Variants in ALDH1A3 observed in about 807,000 individuals in gnomAD.
The protein encoded by ALDH1A3 is retinaldehyde dehydrogenase 3.
In ALDH1A3, 28 loss-of-function variants were observed where a neutral mutation model predicts 57.5. The observed-to-expected ratio is 0.49, with a 90% CI of 0.36 to 0.67. The LOEUF is 0.67. Among genes scored for constraint, ALDH1A3 ranks in the 30% least tolerant of loss-of-function variants. The pLI, the probability that ALDH1A3 is intolerant of heterozygous loss-of-function variation, is 0.00. For synonymous variants in ALDH1A3, 281 were observed against 264.8 expected (o/e 1.06, Z -0.59); for missense variants, 507 against 669.4 (o/e 0.76, Z 2.68).
rs2041612316 is a variant in ALDH1A3 at position 100,887,840 on chromosome 15, G to C, written c.345+128G>C. ...TGGTCGTGGGTCTGTTCCATCCTCT[G>C]AGACACGGCTCTCTGGCAATACTTG... On this transcript the variant is annotated intron_variant, in intron 3 of 12. Coordinates refer to ENST00000329841, the MANE Select transcript of ALDH1A3 (RefSeq NM_000693.4). This position sits in a 1 kb window ranked among gnomAD's most constrained non-coding sequence, Gnocchi z 4.6. 7 of 1,152,148 alleles carry C rather than the reference G, an allele frequency of 6.1e-6. No homozygotes were observed. The Admixed American group carries it at 2.0e-4, about 33-fold the overall frequency. 71.4% of individuals were successfully genotyped at this position (1,152,148 alleles called of 1,614,324 possible). A position where few individuals can be genotyped will look rare whatever the true frequency, so the allele number is the denominator to read the frequency against.
chr15:100,883,447 C>T (rs1356978997), intron 1 of ALDH1A3, among the ~76,000 whole-genome samples: 4 of 152,180 alleles, frequency 2.6e-5, no homozygotes, highest in Non-Finnish European at 5.9e-5. Context: ...TCCCTGGGGG[C>T]CTGGCCTCAC....
In ALDH1A3 at chr15:100,915,153, CCT is replaced by C. The variant is rs1000034230; in HGVS notation, c.*381_*382del. The C allele has an allele frequency of 2.9e-5, 6 of 209,956 alleles. No individual in the cohort carries two copies. The highest frequency in any genetic ancestry group is 9.1e-5 in the South Asian group (1 of 11,000). 13.0% of individuals were successfully genotyped at this position (209,956 alleles called of 1,614,324 possible). On this transcript the variant is annotated 3_prime_UTR_variant, in exon 13 of 13. Transcript: ENST00000329841. ...CTCCAGTAAGAATGTGGGAAAACCC[CCT>C]GTGTGTTCTGCAAGCAGGGCTCTTG...
chr15:100,911,140 CT>C (rs1227895999), intron 12 of ALDH1A3, among the ~76,000 whole-genome samples: 1 of 152,258 alleles, frequency 6.6e-6, no homozygotes, highest in Non-Finnish European at 1.5e-5. Context: ...CACAAGGAGC[CT>C]AGAAACTGCC....
chr15:100,880,012 G>T lies in ALDH1A3; in HGVS notation c.99+6G>T, dbSNP rs1488067557. ...TGGAGGTCAAGTTCACCAAGGTGAG[G>T]CGGGCGCCCCTCCCACCCGACGGCC... On this transcript the variant is annotated splice_donor_region_variant and intron_variant, in intron 1 of 12. Transcript: ENST00000329841. The T allele has an allele frequency of 1.4e-6, 2 of 1,455,396 alleles. No individual in the cohort carries two copies. The highest frequency in any genetic ancestry group is 1.8e-6 in the Non-Finnish European group (2 of 1,099,268). The allele number at this position is 1,455,396 out of a possible 1,614,324, so 90.2% of individuals were successfully genotyped here.
chr15:100,883,542 G>T (rs1205472827), intron 1 of ALDH1A3, among the ~76,000 whole-genome samples: 1 of 152,282 alleles, frequency 6.6e-6, no homozygotes, highest in African/African-American at 2.4e-5. Flanking sequence ...AAACTGGGGG[G>T]CAGCTGGTCT....
At position 100,887,632 on chromosome 15, in the gene ALDH1A3, C is replaced by T. The variant is rs397514652; in HGVS notation, c.265C>T (p.Arg89Cys). The change falls in exon 3 of 13, where the codon CGC becomes TGC. Residue 89 changes from arginine (R) to cysteine (C), a missense_variant. Around this residue, in one of 2 missense-constraint regions of ALDH1A3, gnomAD observed 432 missense variants for 608.4 expected, o/e 0.71. Transcript: ENST00000329841. The surrounding 1 kb of genome is among the most constrained non-coding windows in gnomAD (Gnocchi z 4.6). Reference sequence around the variant, plus strand: ...TGCCTTCCAGAGGGGCTCGCCATGGCGCCGGCTGGATGCCCTGAGTCGTGG... The same window carrying T: ...TGCCTTCCAGAGGGGCTCGCCATGGTGCCGGCTGGATGCCCTGAGTCGTGG... The part of the protein sequence containing the change: ...QVAFQRGSPW[R>C]RLDALSRGRL... The T allele has an allele frequency of 2.5e-6, 4 of 1,611,890 alleles. No homozygotes were observed. The highest frequency in any genetic ancestry group is 2.2e-5 in the East Asian group (1 of 44,720).
At chr15:100,885,930 A>G (rs28668881) in intron 2 of ALDH1A3, among the ~76,000 whole-genome samples, 2 of 152,196 alleles carry the variant, frequency 1.3e-5, no homozygotes, top group African/African-American at 2.4e-5. Flanking sequence ...AGGTCTATAT[A>G]GTAATACAGA....
chr15:100,885,850 A>G lies in ALDH1A3; in HGVS notation c.204+479A>G, dbSNP rs112341926. On this transcript the variant is annotated intron_variant, in intron 2 of 12. Transcript: ENST00000329841. ...GGATAGTTAACAATGTAACCACCAG[A>G]TTTCTTTTCTCCTAGAAATTTACAT... 9.8e-3 allele frequency among the ~76,000 whole-genome samples: 1,499 copies of G among 152,294 alleles called. 9 individuals carry two copies. The highest frequency in any genetic ancestry group is 0.015 in the Non-Finnish European group (1,049 of 68,018).
chr15:100,915,012 T>A lies in ALDH1A3; in HGVS notation c.*239T>A. On this transcript the variant is annotated 3_prime_UTR_variant, in exon 13 of 13. Coordinates refer to ENST00000329841, the MANE Select transcript of ALDH1A3 (RefSeq NM_000693.4). ...TGCCTGGGGAGGGAGCTGTTGGCCATTTCTGTGTTTCCCTTTAAACCAGAT... is the reference window on the plus strand; with the variant it reads ...TGCCTGGGGAGGGAGCTGTTGGCCAATTCTGTGTTTCCCTTTAAACCAGAT... 2 of 526,776 alleles carry A rather than the reference T, an allele frequency of 3.8e-6. No individual in the cohort carries two copies. The highest frequency in any genetic ancestry group is 6.9e-6 in the Non-Finnish European group (2 of 291,540). The allele number at this position is 526,776 out of a possible 1,614,324, so 32.6% of individuals were successfully genotyped here. A position where few individuals can be genotyped will look rare whatever the true frequency, so the allele number is the denominator to read the frequency against.
Position 100,894,150 on chromosome 15 carries a change from C to T in ALDH1A3, c.666+68C>T, listed in dbSNP as rs537814432. On this transcript the variant is annotated intron_variant, in intron 6 of 12. Transcript: ENST00000329841. This position sits in a 1 kb window ranked among gnomAD's most constrained non-coding sequence, Gnocchi z 4.5. The stretch of plus-strand genomic sequence containing the variant: ...TTCCCACTCCTAGGAACCAGGCCAC[C>T]GTCACGAGATGGGACAGTGGCAGAC... 46 of 1,572,994 alleles carry T rather than the reference C, an allele frequency of 2.9e-5. No homozygotes were observed. Among genetic ancestry groups the T allele is most frequent in the African/African-American group, 1.6e-4 (12 of 74,260 alleles).
rs2041928171 is a variant in ALDH1A3 at position 100,916,147 on chromosome 15, T to A, written c.*1374T>A. 6.6e-6 allele frequency: 1 copy of A among 152,236 alleles called. No individual in the cohort carries two copies. Among genetic ancestry groups the A allele is most frequent in the Non-Finnish European group, 1.5e-5 (1 of 68,028 alleles). The allele number at this position is 152,236 out of a possible 1,614,324, so 9.4% of individuals were successfully genotyped here. A position where few individuals can be genotyped will look rare whatever the true frequency, so the allele number is the denominator to read the frequency against. ...CAGTGTGTGTATAACGAAAACCATG[T>A]ATAAAATGGGCCTATCACCCTTGTC... On this transcript the variant is annotated 3_prime_UTR_variant, in exon 13 of 13. Transcript: ENST00000329841.
chr15:100,907,059 G>A, intron 10 of ALDH1A3, 62 bp from the exon 11 acceptor site: 1 of 1,561,500 alleles, frequency 6.4e-7, no homozygotes, highest in Non-Finnish European at 8.8e-7. Context: ...GGAAATGCTT[G>A]TTCACAGCAT....
At chr15:100,898,038 T>C in intron 7 of ALDH1A3, 45 bp from the exon 8 acceptor site, 1 of 1,582,482 alleles carries the variant, frequency 6.3e-7, no homozygotes, top group Non-Finnish European at 8.7e-7. Context: ...TGGGCCAAGT[T>C]CAGCAACATC....
chr15:100,880,295 G>A (rs1309974922), intron 1 of ALDH1A3: 3 of 379,906 alleles, frequency 7.9e-6, no homozygotes, highest in African/African-American at 2.1e-5. Flanking sequence ...GCCCCGACGT[G>A]TCCCTGCGCT....
chr15:100,903,993 A>G (rs1056642162), intron 9 of ALDH1A3, among the ~76,000 whole-genome samples: 1 of 152,146 alleles, frequency 6.6e-6, no homozygotes, highest in African/African-American at 2.4e-5. Flanking sequence ...TTTTTTTTAC[A>G]TACTCAAAAT....
chr15:100,901,169 C>T (rs2041764672), intron 9 of ALDH1A3, among the ~76,000 whole-genome samples: 1 of 152,212 alleles, frequency 6.6e-6, no homozygotes, highest in African/African-American at 2.4e-5. Flanking sequence ...AGAAATCAAA[C>T]AATCCCAGAC....
intron 9 of ALDH1A3, among the ~76,000 whole-genome samples, chr15:100,901,699 T>C (rs77566433): frequency 0.016 from 2,485 of 152,330 alleles, 70 homozygotes; most frequent in African/African-American, 0.044. Flanking sequence ...TATTCAATTA[T>C]GGGCAGGTTT....
rs550880879 is a variant in ALDH1A3 at position 100,900,669 on chromosome 15, C to G, written c.978C>G (p.Val326=). ...AASRVFVEEQ[V]YSEFVRRSVE... is the part of the protein sequence containing the mutation. ...CCAGGGTGTTCGTGGAGGAGCAGGT[C>G]TACTCTGAGTTTGTCAGGCGGAGCG... Residue 326 remains valine (V), a synonymous_variant, in exon 9 of 13, where the codon GTC becomes GTG. Transcript: ENST00000329841. 2.0e-5 allele frequency: 33 copies of G among 1,613,990 alleles called. No individual in the cohort carries two copies. The highest frequency in any genetic ancestry group is 2.7e-5 in the Non-Finnish European group (32 of 1,180,030).
In ALDH1A3 at chr15:100,887,828, G is replaced by A; in HGVS notation, c.345+116G>A. 1 of 1,283,742 alleles carries A rather than the reference G, an allele frequency of 7.8e-7. No individual in the cohort carries two copies. Among genetic ancestry groups the A allele is most frequent in the Non-Finnish European group, 1.0e-6 (1 of 970,338 alleles). The allele number at this position is 1,283,742 out of a possible 1,614,324, so 79.5% of individuals were successfully genotyped here. ...CCTGGTTTTGTGTGGTCGTGGGTCT[G>A]TTCCATCCTCTGAGACACGGCTCTC... On this transcript the variant is annotated intron_variant, in intron 3 of 12. Transcript: ENST00000329841. The surrounding 1 kb of genome is among the most constrained non-coding windows in gnomAD (Gnocchi z 4.6).
Sources: allele counts gnomAD v4.1 joint callset (sites outside exome capture counted in the v4.1 genomes callset), GRCh38; gene constraint gnomAD v4.1.1; regional missense constraint gnomAD v4.1.1; non-coding constraint Gnocchi (gnomAD v3.1); transcripts MANE v1.5; gene names NCBI Gene and HGNC (gene_info 2026-07-23, HGNC 2026-07-21).